The following INO80E variants were observed in gnomAD, a reference collection of about 807,000 sequenced individuals.
INO80E encodes the protein INO80 complex subunit E.
INO80E carries 20 observed loss-of-function variants against 27.3 expected under a neutral mutation model. The observed-to-expected ratio is 0.73, with a 90% CI of 0.51 to 1.06. The LOEUF (loss-of-function observed/expected upper bound fraction) is 1.06, where lower values mean the gene tolerates loss of function less well. Among genes scored for constraint, INO80E ranks in the 50% least tolerant of loss-of-function variants. The pLI, the probability that INO80E is intolerant of heterozygous loss-of-function variation, is 0.00. For missense variants in INO80E, 357 were observed against 322.8 expected, an observed-to-expected ratio of 1.11 and a Z score of -0.81; for synonymous variants, 167 against 145.9, an observed-to-expected ratio of 1.14 and a Z score of -1.04.
Position 30,005,499 on chromosome 16 carries a change from A to G in INO80E, c.*57A>G, listed in dbSNP as rs143249661. 8.1e-6 allele frequency: 12 copies of G among 1,480,534 alleles called. No individual in the cohort carries two copies. Among genetic ancestry groups the G allele is most frequent in the South Asian group, 4.9e-5 (4 of 82,240 alleles). The allele number at this position is 1,480,534 out of a possible 1,614,324, so 91.7% of individuals were successfully genotyped here. On this transcript the variant is annotated 3_prime_UTR_variant, in exon 7 of 7. Coordinates refer to ENST00000563197, the MANE Select transcript of INO80E (RefSeq NM_173618.3). The stretch of plus-strand genomic sequence containing the variant: ...CGCCCGGCGCCCTCCCCGTGCCAGC[A>G]CACACGAGTCCAGCTTCCTCGGAGG...
intron 3 of INO80E, 116 bp downstream of exon 3, chr16:29,996,976 C>A: frequency 1.0e-6 from 1 of 968,378 alleles, no homozygotes; most frequent in South Asian, 1.3e-5. Context: ...GTCCTTAAGC[C>A]TAGTTGCTTG....
intron 1 of INO80E, 77 bp downstream of exon 1, chr16:29,996,468 G>A: frequency 6.4e-7 from 1 of 1,551,336 alleles, no homozygotes; most frequent in South Asian, 1.2e-5. Flanking sequence ...GGTGTAAAGT[G>A]GGTGGGGCGA....
intron 3 of INO80E, among the ~76,000 whole-genome samples, chr16:29,998,051 G>A (rs1454839774): frequency 2.6e-5 from 4 of 152,174 alleles, no homozygotes; most frequent in Non-Finnish European, 5.9e-5. Context: ...CTGTGCTCCA[G>A]CCTGGGTGAC....
At chr16:30,002,462 G>A (rs978414984) in intron 6 of INO80E, 1 of 152,550 alleles carries the variant, frequency 6.6e-6, no homozygotes, top group Non-Finnish European at 1.5e-5. Flanking sequence ...AACAGACTGA[G>A]CGGTGGAGTG....
At chr16:29,997,336 T>C (rs931632366) in intron 3 of INO80E, among the ~76,000 whole-genome samples, 7 of 152,180 alleles carry the variant, frequency 4.6e-5, no homozygotes, top group African/African-American at 1.7e-4. Flanking sequence ...CCGTACCCCA[T>C]AGGCAAATAC....
rs1351160964 is a variant in INO80E at position 29,996,259 on chromosome 16, A to G, written c.-52A>G. ...TGGAGGCGGGAGCGGCACGGCAGCCACTGCTTGGGGTAGCGGGAGGGCAGA... is the reference window on the plus strand; with the variant it reads ...TGGAGGCGGGAGCGGCACGGCAGCCGCTGCTTGGGGTAGCGGGAGGGCAGA... On this transcript the variant is annotated 5_prime_UTR_variant, in exon 1 of 7. Coordinates refer to ENST00000563197, the MANE Select transcript of INO80E (RefSeq NM_173618.3). 10 of 1,523,646 alleles carry G rather than the reference A, an allele frequency of 6.6e-6. No homozygotes were observed. The highest frequency in any genetic ancestry group is 2.4e-5 in the East Asian group (1 of 41,068). The allele number at this position is 1,523,646 out of a possible 1,614,324, so 94.4% of individuals were successfully genotyped here.
chr16:30,000,882 C>T (rs773239221), intron 4 of INO80E, 46 bp downstream of exon 4: 8 of 1,609,848 alleles, frequency 5.0e-6, no homozygotes, highest in South Asian at 3.3e-5. Flanking sequence ...TCAGGTGGGG[C>T]GCCTGGGCTC....
chr16:30,001,348 A>G (rs2070344794), intron 5 of INO80E, 66 bp from the exon 6 acceptor site: 2 of 1,519,942 alleles, frequency 1.3e-6, no homozygotes, highest in Admixed American at 4.1e-5. Flanking sequence ...TTCTGTTTGC[A>G]TTTCTTCCCC....
chr16:29,999,724 A>G (rs760033292), intron 3 of INO80E, among the ~76,000 whole-genome samples: 7 of 152,204 alleles, frequency 4.6e-5, no homozygotes, highest in Non-Finnish European at 1.0e-4. Context: ...CAGTTACGTT[A>G]GTTGACCAGA....
In INO80E at chr16:30,001,027, C is replaced by T. The variant is rs1456741682; in HGVS notation, c.383C>T (p.Pro128Leu). The T allele has an allele frequency of 6.5e-7, 1 of 1,546,300 alleles. No individual in the cohort carries two copies. Among genetic ancestry groups the T allele is most frequent in the Admixed American group, 2.1e-5 (1 of 48,436 alleles). The change falls in exon 5 of 7, where the codon CCA becomes CTA. Residue 128 changes from proline (P) to leucine (L), a missense_variant. Transcript: ENST00000563197. The part of the protein sequence containing the change: ...FPLQASGVPS[P>L]YLSSLASSRY... ...CTTCAGGCCTCCGGGGTCCCCTCCC[C>T]ATACCTGAGCTCGGTGAGTTGGGGT...
Position 30,001,450 on chromosome 16 carries a change from T to C in INO80E, c.433T>C (p.Tyr145His). 1 of 1,612,018 alleles carries C rather than the reference T, an allele frequency of 6.2e-7. No homozygotes were observed. The highest frequency in any genetic ancestry group is 8.5e-7 in the Non-Finnish European group (1 of 1,179,156). ...CCGCTACCCCCCATTCCCTTCTGACTACCTGGCCCTGCAGCTGCCCGAGCC... is the reference window on the plus strand; with the variant it reads ...CCGCTACCCCCCATTCCCTTCTGACCACCTGGCCCTGCAGCTGCCCGAGCC... ...SSRYPPFPSDYLALQLPEPSP... is the reference protein window; with the variant it reads ...SSRYPPFPSDHLALQLPEPSP... The change falls in exon 6 of 7, where the codon TAC becomes CAC. Residue 145 changes from tyrosine (Y) to histidine (H), a missense_variant. Transcript: ENST00000563197.
Position 30,000,725 on chromosome 16 carries a change from C to G in INO80E, c.206-33C>G. On this transcript the variant is annotated intron_variant, in intron 3 of 6. Coordinates refer to ENST00000563197, the MANE Select transcript of INO80E (RefSeq NM_173618.3). ...CCTTTCTGGGATGGACTGGGATCCC[C>G]CCATCCCCACTGACCAGCTGTCCCC... is the stretch of plus-strand genomic sequence containing the variant. 3 of 1,575,732 alleles carry G rather than the reference C, an allele frequency of 1.9e-6. 1 individual carries two copies. In the South Asian group the frequency reaches 3.3e-5, roughly 17 times the overall value.
intron 5 of INO80E, 130 bp from the exon 6 acceptor site, chr16:30,001,284 T>TCGGGAGCCC (rs946181416): frequency 3.4e-5 from 51 of 1,492,400 alleles, no homozygotes; most frequent in Non-Finnish European, 4.4e-5. Flanking sequence ...CCTTCTGTGC[T>TCGGGAGCCC]CGGGAGCCCC....
chr16:30,001,106 G>A lies in INO80E; in HGVS notation c.396+66G>A. On this transcript the variant is annotated intron_variant, in intron 5 of 6. Transcript: ENST00000563197. ...TGGGCGTCATTTGGGCAGAAGGGCTGGGCCTCGGGGCAAGGCCAGCCCAAC... is the reference window on the plus strand; with the variant it reads ...TGGGCGTCATTTGGGCAGAAGGGCTAGGCCTCGGGGCAAGGCCAGCCCAAC... The A allele has an allele frequency of 2.0e-6, 3 of 1,483,966 alleles. No individual in the cohort carries two copies. The South Asian group carries it at 4.0e-5, about 20-fold the overall frequency. 91.9% of individuals were successfully genotyped at this position (1,483,966 alleles called of 1,614,324 possible).
At chr16:30,001,168 C>T (rs996009388) in intron 5 of INO80E, 128 bp downstream of exon 5, 8 of 1,472,790 alleles carry the variant, frequency 5.4e-6, no homozygotes, top group Admixed American at 2.6e-5. Flanking sequence ...CCAAGTGTCC[C>T]GTGGAGGGTG....
intron 5 of INO80E, 144 bp from the exon 6 acceptor site, chr16:30,001,270 C>CGGCCCTTCTGT (rs1168946307): frequency 6.7e-7 from 1 of 1,490,082 alleles, no homozygotes; most frequent in East Asian, 2.5e-5. Context: ...TGCTGCTGCC[C>CGGCCCTTCTGT]GGCCCTTCTG....
In INO80E at chr16:30,003,725, G is replaced by C. The variant is rs1385005888; in HGVS notation, c.514-1496G>C. On this transcript the variant is annotated intron_variant, in intron 6 of 6. Coordinates refer to ENST00000563197, the MANE Select transcript of INO80E (RefSeq NM_173618.3). This position sits in a 1 kb window ranked among gnomAD's most constrained non-coding sequence, Gnocchi z 4.4. ...CGTGCCTGGCCCCTAGTAAGCCACA[G>C]AGAAATGTGAGCCGCTGCCAGTCAG... 2 of 152,308 alleles carry C rather than the reference G, an allele frequency of 1.3e-5. No homozygotes were observed. Among genetic ancestry groups the C allele is most frequent in the African/African-American group, 4.8e-5 (2 of 41,446 alleles). The allele number at this position is 152,308 out of a possible 1,614,324, so 9.4% of individuals were successfully genotyped here. A position where few individuals can be genotyped will look rare whatever the true frequency, so the allele number is the denominator to read the frequency against.
In INO80E at chr16:30,000,793, A is replaced by C. The variant is rs768492343; in HGVS notation, c.241A>C (p.Thr81Pro). 1 of 1,614,158 alleles carries C rather than the reference A, an allele frequency of 6.2e-7. No homozygotes were observed. Among genetic ancestry groups the C allele is most frequent in the Non-Finnish European group, 8.5e-7 (1 of 1,180,014 alleles). Residue 81 changes from threonine (T) to proline (P), a missense_variant, in exon 4 of 7, where the codon ACG (threonine) becomes CCG (proline). Thr to Pro is a conservative substitution (Grantham distance 38). Transcript: ENST00000563197. ...DATASSDNSE[T>P]EGTPKLSDTP... ...CACTGCATCATCAGATAACAGCGAGACGGAGGGGACACCCAAGTTGTCTGA... is the reference window on the plus strand; with the variant it reads ...CACTGCATCATCAGATAACAGCGAGCCGGAGGGGACACCCAAGTTGTCTGA...
At chr16:29,998,997 A>C (rs1215589415) in intron 3 of INO80E, among the ~76,000 whole-genome samples, 1 of 151,678 alleles carries the variant, frequency 6.6e-6, no homozygotes, top group Non-Finnish European at 1.5e-5. Context: ...GTGAGCCGAG[A>C]TTACGCCACT....
Sources: gnomAD v4.1 joint callset for allele counts (sites outside exome capture counted in the v4.1 genomes callset) on GRCh38, gnomAD v4.1.1 for gene constraint, Gnocchi (gnomAD v3.1) non-coding constraint, MANE v1.5 for transcripts, NCBI Gene and HGNC (gene_info 2026-07-23, HGNC 2026-07-21) for gene names.